The following KLHL14 variants were observed in gnomAD, a reference collection of about 807,000 sequenced individuals.
The protein encoded by KLHL14 is kelch like family member 14, also known as kelch-like protein 14.
In KLHL14, 22 loss-of-function variants were observed where a neutral mutation model predicts 64.3. The observed-to-expected ratio is 0.34, with a 90% CI of 0.24 to 0.49. KLHL14 has a LOEUF of 0.49. Ranked by LOEUF, KLHL14 falls within the 20% of genes least tolerant of loss-of-function variation. The pLI is 0.99. For synonymous variants in KLHL14, 322 were observed against 333.4 expected (o/e 0.97, Z 0.37); for missense variants, 661 against 789.0 (o/e 0.84, Z 1.94).
chr18:32,771,892 G>C (rs927700669), intron 1 of KLHL14, among the ~76,000 whole-genome samples: 2 of 151,858 alleles, frequency 1.3e-5, no homozygotes, highest in African/African-American at 4.8e-5. Context: ...CCCCTCGGTA[G>C]AGCCCCCAGC....
chr18:32,699,731 A>G lies in KLHL14; in HGVS notation c.1070-4179T>C, dbSNP rs549889972. ...ATTTGTGTATAATTTTTTATATTGA[A>G]TCATATTTTAAATGTGTTTATTACT... On this transcript the variant is annotated intron_variant, in intron 3 of 8. Coordinates refer to ENST00000359358, the MANE Select transcript of KLHL14 (RefSeq NM_020805.3). 3.9e-5 allele frequency among the ~76,000 whole-genome samples: 6 copies of G among 152,240 alleles called. No individual in the cohort carries two copies. In the South Asian group the frequency reaches 1.0e-3, roughly 26 times the overall value.
intron 4 of KLHL14, among the ~76,000 whole-genome samples, chr18:32,692,144 A>G (rs967663452): frequency 1.8e-4 from 27 of 152,246 alleles, no homozygotes; most frequent in Admixed American, 3.9e-4. Context: ...ATATCTGAGT[A>G]GAAAACCTTA....
intron 1 of KLHL14, among the ~76,000 whole-genome samples, chr18:32,771,522 C>T (rs1023413766): frequency 4.6e-5 from 7 of 152,118 alleles, no homozygotes; most frequent in African/African-American, 1.7e-4. Flanking sequence ...CACCCCCACC[C>T]GGTGGCCCCC....
intron 2 of KLHL14, among the ~76,000 whole-genome samples, chr18:32,754,528 A>G (rs2144543042): frequency 6.6e-6 from 1 of 152,372 alleles, no homozygotes; most frequent in East Asian, 1.9e-4. Context: ...GAATATTTTG[A>G]CAGCAACCTG....
intron 7 of KLHL14, among the ~76,000 whole-genome samples, chr18:32,678,972 A>G (rs2049824524): frequency 6.6e-6 from 1 of 152,178 alleles, no homozygotes; most frequent in Non-Finnish European, 1.5e-5. Context: ...TTTAACATAG[A>G]AGGATACAAA....
chr18:32,733,003 C>G (rs529908715), intron 3 of KLHL14, among the ~76,000 whole-genome samples: 1 of 152,098 alleles, frequency 6.6e-6, no homozygotes, highest in East Asian at 1.9e-4. Context: ...CTGGACTTGG[C>G]AAGATTTACA....
rs1268648684 is a variant in KLHL14, at chr18:32,683,025, G to C, written c.1239-2426C>G. On this transcript the variant is annotated intron_variant, in intron 5 of 8. Coordinates refer to ENST00000359358, the MANE Select transcript of KLHL14 (RefSeq NM_020805.3). This position sits in a 1 kb window ranked among gnomAD's most constrained non-coding sequence, Gnocchi z 4.2. Reference sequence around the variant, plus strand: ...AAAAGATGCCACTTAGTCACAACAAGTATGAAAACCTTCTATTTAACTGAG... The same window carrying C: ...AAAAGATGCCACTTAGTCACAACAACTATGAAAACCTTCTATTTAACTGAG... Among the ~76,000 whole-genome samples the C allele has an allele frequency of 1.3e-5, 2 of 152,182 alleles. No homozygotes were observed. The highest frequency in any genetic ancestry group is 2.4e-5 in the African/African-American group (1 of 41,448).
chr18:32,695,529 G>C lies in KLHL14; in HGVS notation c.1093C>G (p.His365Asp). ...AAGTTTTCCACCTCCACAACGCAGT[G>C]GTGGGCACTGTTGTATGGCATAACT... ...LTIMPYNSAH[H>D]CVVEVENFLF... The change falls in exon 4 of 9, where the codon CAC (histidine) becomes GAC (aspartate). Residue 365 changes from histidine to aspartate, a missense_variant. Around this residue, in one of 2 missense-constraint regions of KLHL14, gnomAD observed 330 missense variants for 450.0 expected, o/e 0.73. Transcript: ENST00000359358. The C allele has an allele frequency of 6.2e-7, 1 of 1,606,058 alleles. No individual in the cohort carries two copies. The highest frequency in any genetic ancestry group is 1.1e-5 in the South Asian group (1 of 90,884).
intron 2 of KLHL14, among the ~76,000 whole-genome samples, chr18:32,752,781 T>A (rs1364616428): frequency 6.8e-4 from 4 of 5,900 alleles, no homozygotes; most frequent in African/African-American, 8.3e-4. Context: ...GTGGGAACTT[T>A]TTTTTTTTTT....
chr18:32,761,666 G>A (rs932481800), intron 2 of KLHL14, among the ~76,000 whole-genome samples: 2 of 152,150 alleles, frequency 1.3e-5, no homozygotes, highest in African/African-American at 4.8e-5. Context: ...TATTGCCAGT[G>A]TGATTATTTT....
chr18:32,722,153 C>T (rs1316904483), intron 3 of KLHL14, among the ~76,000 whole-genome samples: 2 of 152,110 alleles, frequency 1.3e-5, no homozygotes, highest in Admixed American at 6.5e-5. Flanking sequence ...GTTAGGCCTC[C>T]CAAGCAATGT....
intron 2 of KLHL14, among the ~76,000 whole-genome samples, chr18:32,754,963 C>T (rs1017998206): frequency 1.9e-4 from 19 of 101,410 alleles, no homozygotes; most frequent in African/African-American, 7.3e-4. Context: ...TGTAGATCTG[C>T]AGCAAGGGAG....
At chr18:32,716,334 TA>T (rs201327124) in intron 3 of KLHL14, among the ~76,000 whole-genome samples, 2 of 151,420 alleles carry the variant, frequency 1.3e-5, no homozygotes, top group South Asian at 4.2e-4. Context: ...GTATCAGCTG[TA>T]AAAAAAACAG....
intron 2 of KLHL14, among the ~76,000 whole-genome samples, chr18:32,762,405 ATAGT>A (rs2050319161): frequency 6.6e-6 from 1 of 151,968 alleles, no homozygotes; most frequent in South Asian, 2.1e-4. Context: ...CCTTTTTCAG[ATAGT>A]TCACATTCTT....
At chr18:32,746,515 C>A (rs902402725) in intron 2 of KLHL14, among the ~76,000 whole-genome samples, 1 of 152,166 alleles carries the variant, frequency 6.6e-6, no homozygotes, top group Non-Finnish European at 1.5e-5. Context: ...TGTAAAATCT[C>A]ATTTATTTAT....
At chr18:32,758,952 T>A (rs1002763465) in intron 2 of KLHL14, among the ~76,000 whole-genome samples, 5 of 152,072 alleles carry the variant, frequency 3.3e-5, no homozygotes, top group Non-Finnish European at 7.4e-5. Flanking sequence ...ATGGTGGTGG[T>A]GAGGGAATGA....
At chr18:32,686,341 A>T (rs1420475236) in intron 5 of KLHL14, among the ~76,000 whole-genome samples, 1 of 152,048 alleles carries the variant, frequency 6.6e-6, no homozygotes, top group Non-Finnish European at 1.5e-5. Context: ...ATCACACTGG[A>T]GAATTTGCTC....
At chr18:32,718,093 G>T (rs932660941) in intron 3 of KLHL14, among the ~76,000 whole-genome samples, 1 of 152,094 alleles carries the variant, frequency 6.6e-6, no homozygotes, top group Non-Finnish European at 1.5e-5. Context: ...CCTATTCTGG[G>T]TTATGCAATA....
rs923215216 is a variant in KLHL14, at chr18:32,772,979, C to G, written c.-356G>C. On this transcript the variant is annotated 5_prime_UTR_variant, in exon 1 of 9. The change abolishes an upstream ATG in the 5' untranslated region. Coordinates refer to ENST00000359358, the MANE Select transcript of KLHL14 (RefSeq NM_020805.3). Reference sequence around the variant, plus strand: ...CAAATTATGCTACCAAGAAACAACACATCATTATCCTTGGGCCTGGGGCTC... The same window carrying G: ...CAAATTATGCTACCAAGAAACAACAGATCATTATCCTTGGGCCTGGGGCTC... 1 of 181,388 alleles carries G rather than the reference C, an allele frequency of 5.5e-6. No individual in the cohort carries two copies. Among genetic ancestry groups the G allele is most frequent in the East Asian group, 1.5e-4 (1 of 6,778 alleles). The allele number at this position is 181,388 out of a possible 1,614,324, so 11.2% of individuals were successfully genotyped here.
Sources: gnomAD v4.1 joint callset for allele counts (sites outside exome capture counted in the v4.1 genomes callset) on GRCh38, gnomAD v4.1.1 for gene constraint, gnomAD v4.1.1 regional missense constraint, Gnocchi (gnomAD v3.1) non-coding constraint, MANE v1.5 for transcripts, NCBI Gene and HGNC (gene_info 2026-07-23, HGNC 2026-07-21) for gene names.